GABBR1: variants seen among roughly 807,000 people sequenced by gnomAD.
GABBR1 encodes gamma-aminobutyric acid type B receptor subunit 1, also known as GABA-B receptor, R1 subunit.
Under a neutral mutation model 117.7 loss-of-function variants are expected in GABBR1, and 35 were observed. The ratio of observed to expected loss-of-function variants is 0.30; its 90% confidence interval spans 0.23 to 0.39. GABBR1 has a LOEUF of 0.39. Among genes scored for constraint, GABBR1 ranks in the 10% least tolerant of loss-of-function variants. The probability of loss-of-function intolerance (pLI) is 1.00; values close to 1 mark genes in which losing one functional copy is unlikely to be tolerated. For synonymous variants in GABBR1, 442 were observed against 486.6 expected, an observed-to-expected ratio of 0.91 and a Z score of 1.21; for missense variants, 709 against 1,241.8, an observed-to-expected ratio of 0.57 and a Z score of 6.45.
At position 29,627,400 on chromosome 6, in the gene GABBR1, A is replaced by T. The variant is rs2127443672; in HGVS notation, c.657+86T>A. On this transcript the variant is annotated intron_variant, in intron 6 of 22. Coordinates refer to ENST00000377034, the MANE Select transcript of GABBR1 (RefSeq NM_001470.4). This position sits in a 1 kb window ranked among gnomAD's most constrained non-coding sequence, Gnocchi z 4.4. ...GGTCTGCCTCGCAATCCCAGAGACG[A>T]CTCAGACAGATGGGGGCGCGTGCAG... is the stretch of plus-strand genomic sequence containing the variant. 5 of 1,363,444 alleles carry T rather than the reference A, an allele frequency of 3.7e-6. No homozygotes were observed. Among genetic ancestry groups the T allele is most frequent in the Non-Finnish European group, 5.0e-6 (5 of 994,104 alleles). The allele number at this position is 1,363,444 out of a possible 1,614,324, so 84.5% of individuals were successfully genotyped here.
chr6:29,621,942 A>G lies in GABBR1; in HGVS notation c.1066-125T>C. The G allele has an allele frequency of 1.8e-6, 2 of 1,086,592 alleles. No homozygotes were observed. The highest frequency in any genetic ancestry group is 2.8e-6 in the Non-Finnish European group (2 of 723,376). 67.3% of individuals were successfully genotyped at this position (1,086,592 alleles called of 1,614,324 possible). ...TAGTGCAGGGTAACGCTCAACGTAT[A>G]GTGAATAAACGTCAACTGGAAGATG... On this transcript the variant is annotated intron_variant, in intron 9 of 22. Coordinates refer to ENST00000377034, the MANE Select transcript of GABBR1 (RefSeq NM_001470.4). The surrounding 1 kb of genome is among the most constrained non-coding windows in gnomAD (Gnocchi z 5.0).
Position 29,631,449 on chromosome 6 carries a change from C to G in GABBR1, c.236G>C (p.Arg79Pro), listed in dbSNP as rs1436782004. Residue 79 changes from arginine (R) to proline (P), a missense_variant, in exon 3 of 23, where the codon CGC becomes CCC. Arg to Pro is a moderately radical substitution (Grantham distance 103). Transcript: ENST00000377034. This position sits in a 1 kb window ranked among gnomAD's most constrained non-coding sequence, Gnocchi z 5.9. Reference protein sequence around the residue: ...GEREVVGPKVRKCLANGSWTD... With the variant: ...GEREVVGPKVPKCLANGSWTD... The stretch of plus-strand genomic sequence containing the variant: ...CCAGGAGCCGTTGGCCAGGCACTTG[C>G]GGACCTTGGGCCCCACCACCTCGCG... 1 of 1,614,138 alleles carries G rather than the reference C, an allele frequency of 6.2e-7. No homozygotes were observed. The highest frequency in any genetic ancestry group is 1.7e-5 in the Admixed American group (1 of 60,028).
In GABBR1 at chr6:29,609,179, A is replaced by T. The variant is rs190501135; in HGVS notation, c.1859+50T>A. 4.2e-4 allele frequency: 666 copies of T among 1,568,124 alleles called. 2 individuals are homozygous for T. Among genetic ancestry groups the T allele is most frequent in the African/African-American group, 3.7e-3 (277 of 74,076 alleles). On this transcript the variant is annotated intron_variant, in intron 15 of 22. Transcript: ENST00000377034. The surrounding 1 kb of genome is among the most constrained non-coding windows in gnomAD (Gnocchi z 4.3). ...TATTCTCATCCTGTCCAGGAACATGATCAGTATCTCAGAGAGGCAGACAAG... is the reference window on the plus strand; with the variant it reads ...TATTCTCATCCTGTCCAGGAACATGTTCAGTATCTCAGAGAGGCAGACAAG...
At position 29,617,178 on chromosome 6, in the gene GABBR1, G is replaced by A. The variant is rs903066980; in HGVS notation, c.1324-3693C>T. 4.0e-5 allele frequency among the ~76,000 whole-genome samples: 6 copies of A among 151,836 alleles called. No individual in the cohort carries two copies. The East Asian group carries it at 9.6e-4, about 24-fold the overall frequency. ...GAACATGTATAAAAATGCTGGGTATGAAGTAAGTTACATTTTCTCTACGTG... is the reference window on the plus strand; with the variant it reads ...GAACATGTATAAAAATGCTGGGTATAAAGTAAGTTACATTTTCTCTACGTG... On this transcript the variant is annotated intron_variant, in intron 11 of 22. Transcript: ENST00000377034.
chr6:29,627,775 G>T lies in GABBR1; in HGVS notation c.497-129C>A. 2 of 1,466,338 alleles carry T rather than the reference G, an allele frequency of 1.4e-6. No individual in the cohort carries two copies. The highest frequency in any genetic ancestry group is 1.8e-6 in the Non-Finnish European group (2 of 1,115,674). 90.8% of individuals were successfully genotyped at this position (1,466,338 alleles called of 1,614,324 possible). A position where few individuals can be genotyped will look rare whatever the true frequency, so the allele number is the denominator to read the frequency against. On this transcript the variant is annotated intron_variant, in intron 5 of 22. Transcript: ENST00000377034. The surrounding 1 kb of genome is among the most constrained non-coding windows in gnomAD (Gnocchi z 4.4). ...CAGTGGCCACCCCACCCGGGCAAAA[G>T]GGGCCCCGGGCCCCATGGCGTGGGG...
At position 29,622,531 on chromosome 6, in the gene GABBR1, A is replaced by C; in HGVS notation, c.964-326T>G. The C allele has an allele frequency of 3.0e-6, 1 of 335,994 alleles. No homozygotes were observed. The highest frequency in any genetic ancestry group is 5.6e-6 in the Non-Finnish European group (1 of 180,068). 20.8% of individuals were successfully genotyped at this position (335,994 alleles called of 1,614,324 possible). ...GGAACCAGGAAAAGACAAGGCAAGG[A>C]CTGGGACAGACAGCATGATGTCAAC... On this transcript the variant is annotated intron_variant, in intron 8 of 22. Coordinates refer to ENST00000377034, the MANE Select transcript of GABBR1 (RefSeq NM_001470.4). This position sits in a 1 kb window ranked among gnomAD's most constrained non-coding sequence, Gnocchi z 4.6.
At position 29,623,870 on chromosome 6, in the gene GABBR1, A is replaced by G; in HGVS notation, c.792+20T>C. On this transcript the variant is annotated intron_variant, in intron 7 of 22. Transcript: ENST00000377034. This position sits in a 1 kb window ranked among gnomAD's most constrained non-coding sequence, Gnocchi z 6.2. ...CAAAAGGGAATGACCCCATCTTCTG[A>G]CCCCCATAGCCCTGCTTACCACAAT... 6.2e-7 allele frequency: 1 copy of G among 1,607,798 alleles called. No individual in the cohort carries two copies. Among genetic ancestry groups the G allele is most frequent in the Non-Finnish European group, 8.5e-7 (1 of 1,177,480 alleles).
At position 29,613,214 on chromosome 6, in the gene GABBR1, A is replaced by AG. The variant is rs775079987; in HGVS notation, c.1566+28dup. ...GAGTCTCTCTCAAGATTGGGAAGAC[A>AG]GGGGAGTATGAAGGAAGTTTTAACT... On this transcript the variant is annotated intron_variant, in intron 12 of 22. Transcript: ENST00000377034. This position sits in a 1 kb window ranked among gnomAD's most constrained non-coding sequence, Gnocchi z 4.1. The AG allele has an allele frequency of 6.2e-7, 1 of 1,607,436 alleles. No homozygotes were observed. Among genetic ancestry groups the AG allele is most frequent in the South Asian group, 1.1e-5 (1 of 90,880 alleles).
Position 29,630,588 on chromosome 6 carries a change from C to G in GABBR1, c.345G>C (p.Thr115=). 6.2e-7 allele frequency: 1 copy of G among 1,613,046 alleles called. No individual in the cohort carries two copies. Among genetic ancestry groups the G allele is most frequent in the Non-Finnish European group, 8.5e-7 (1 of 1,180,004 alleles). The change falls in exon 4 of 23, where the codon ACG becomes ACC. Residue 115 remains threonine, a synonymous_variant. Coordinates refer to ENST00000377034, the MANE Select transcript of GABBR1 (RefSeq NM_001470.4). The surrounding 1 kb of genome is among the most constrained non-coding windows in gnomAD (Gnocchi z 4.9). ...LTLENGKVFL[T]GGDLPALDGA... ...CGTCCAGAGCTGGGAGGTCCCCACCCGTCAGGAAAACCTTCCCATTTTCCA... is the reference window on the plus strand; with the variant it reads ...CGTCCAGAGCTGGGAGGTCCCCACCGGTCAGGAAAACCTTCCCATTTTCCA...
Position 29,604,589 on chromosome 6 carries a change from T to C in GABBR1, c.2617A>G (p.Thr873Ala), listed in dbSNP as rs1761758123. 3 of 1,613,162 alleles carry C rather than the reference T, an allele frequency of 1.9e-6. No homozygotes were observed. The highest frequency in any genetic ancestry group is 2.5e-6 in the Non-Finnish European group (3 of 1,180,038). The change falls in exon 22 of 23, where the codon ACC becomes GCC. Residue 873 changes from threonine (T) to alanine (A), a missense_variant. This residue lies in a region of GABBR1 where 251 missense variants were observed against 445.3 expected (regional missense o/e 0.56). Coordinates refer to ENST00000377034, the MANE Select transcript of GABBR1 (RefSeq NM_001470.4). This position sits in a 1 kb window ranked among gnomAD's most constrained non-coding sequence, Gnocchi z 5.3. ...RGEWQSEAQD[T>A]MKTGSSTNNN... ...TTGGTCGATGACCCTGTCTTCATGG[T>C]GTCCTGCGCCTCCGACTGCCATTCC...
Position 29,609,828 on chromosome 6 carries a change from A to T in GABBR1, c.1709-449T>A, listed in dbSNP as rs1762354989. 1.3e-5 allele frequency among the ~76,000 whole-genome samples: 2 copies of T among 152,104 alleles called. No individual in the cohort carries two copies. Among genetic ancestry groups the T allele is most frequent in the African/African-American group, 4.8e-5 (2 of 41,414 alleles). On this transcript the variant is annotated intron_variant, in intron 14 of 22. Coordinates refer to ENST00000377034, the MANE Select transcript of GABBR1 (RefSeq NM_001470.4). The surrounding 1 kb of genome is among the most constrained non-coding windows in gnomAD (Gnocchi z 4.3). ...CATAAAGCTAAAAAGGCCTTGAAGT[A>T]TCTAGTGTGGACACCTATTCTTAAG...
Position 29,603,373 on chromosome 6 carries a change from G to T in GABBR1, c.*170C>A. 2 of 721,574 alleles carry T rather than the reference G, an allele frequency of 2.8e-6. No homozygotes were observed. The highest frequency in any genetic ancestry group is 5.1e-6 in the Non-Finnish European group (2 of 394,280). The allele number at this position is 721,574 out of a possible 1,614,324, so 44.7% of individuals were successfully genotyped here. ...AAAAAGGTCTGTTTCCCAGAGGTAT[G>T]AGAGACCCAAATCAGCCCAGAACTC... On this transcript the variant is annotated 3_prime_UTR_variant, in exon 23 of 23. Coordinates refer to ENST00000377034, the MANE Select transcript of GABBR1 (RefSeq NM_001470.4).
chr6:29,632,459 C>T lies in GABBR1; in HGVS notation c.1-74G>A. 8.2e-7 allele frequency: 1 copy of T among 1,212,652 alleles called. No homozygotes were observed. Among genetic ancestry groups the T allele is most frequent in the Non-Finnish European group, 1.1e-6 (1 of 924,544 alleles). 75.1% of individuals were successfully genotyped at this position (1,212,652 alleles called of 1,614,324 possible). On this transcript the variant is annotated intron_variant, in intron 1 of 22. Coordinates refer to ENST00000377034, the MANE Select transcript of GABBR1 (RefSeq NM_001470.4). This position sits in a 1 kb window ranked among gnomAD's most constrained non-coding sequence, Gnocchi z 5.8. ...CCCGCACCCGGAGACTACTCGACCT[C>T]TTGCCGGTTGCCTCGCAGGCTCCGA...
rs1230710213 is a variant in GABBR1, at chr6:29,604,130, T to C, written c.2712+364A>G. Among the ~76,000 whole-genome samples the C allele has an allele frequency of 6.6e-6, 1 of 152,022 alleles. No individual in the cohort carries two copies. Among genetic ancestry groups the C allele is most frequent in the African/African-American group, 2.4e-5 (1 of 41,402 alleles). The stretch of plus-strand genomic sequence containing the variant: ...CCAGGTCCTTTATGCTGGGGCTGCA[T>C]GCTACACCCAGCTGCTGTGAGTGTT... On this transcript the variant is annotated intron_variant, in intron 22 of 22. Transcript: ENST00000377034. This position sits in a 1 kb window ranked among gnomAD's most constrained non-coding sequence, Gnocchi z 5.3.
chr6:29,621,898 T>C lies in GABBR1; in HGVS notation c.1066-81A>G. 1 of 1,429,776 alleles carries C rather than the reference T, an allele frequency of 7.0e-7. No individual in the cohort carries two copies. Among genetic ancestry groups the C allele is most frequent in the Non-Finnish European group, 9.8e-7 (1 of 1,017,470 alleles). The allele number at this position is 1,429,776 out of a possible 1,614,324, so 88.6% of individuals were successfully genotyped here. ...AAGCCAGATGTCTTCACAGCTTTGA[T>C]TTCCCATCCCAAAGTGCTTAGTGCA... On this transcript the variant is annotated intron_variant, in intron 9 of 22. Coordinates refer to ENST00000377034, the MANE Select transcript of GABBR1 (RefSeq NM_001470.4). This position sits in a 1 kb window ranked among gnomAD's most constrained non-coding sequence, Gnocchi z 5.0.
In GABBR1 at chr6:29,609,515, C is replaced by T. The variant is rs1762314333; in HGVS notation, c.1709-136G>A. On this transcript the variant is annotated intron_variant, in intron 14 of 22. Coordinates refer to ENST00000377034, the MANE Select transcript of GABBR1 (RefSeq NM_001470.4). The surrounding 1 kb of genome is among the most constrained non-coding windows in gnomAD (Gnocchi z 4.3). ...TCAGTCATTGGCTGGGGACATGAGG[C>T]CCTAACTGCACTGGACAGAGGTTAC... The T allele has an allele frequency of 2.7e-6, 2 of 731,032 alleles. No homozygotes were observed. Among genetic ancestry groups the T allele is most frequent in the Non-Finnish European group, 4.6e-6 (2 of 439,388 alleles). 45.3% of individuals were successfully genotyped at this position (731,032 alleles called of 1,614,324 possible).
Position 29,609,411 on chromosome 6 carries a change from G to A in GABBR1, c.1709-32C>T. The A allele has an allele frequency of 6.2e-7, 1 of 1,601,508 alleles. No homozygotes were observed. Among genetic ancestry groups the A allele is most frequent in the Non-Finnish European group, 8.5e-7 (1 of 1,170,264 alleles). ...GGCACAGGGGAGGAAGAGGGGAAGG[G>A]AAAAGAGAAGGGAAGGAGGACAAAG... is the stretch of plus-strand genomic sequence containing the variant. On this transcript the variant is annotated intron_variant, in intron 14 of 22. Transcript: ENST00000377034. This position sits in a 1 kb window ranked among gnomAD's most constrained non-coding sequence, Gnocchi z 4.3.
chr6:29,619,121 T>TAA (rs938083794), intron 11 of GABBR1, among the ~76,000 whole-genome samples: 1 of 152,232 alleles, frequency 6.6e-6, no homozygotes, highest in Non-Finnish European at 1.5e-5. Context: ...ACCTGTGAAC[T>TAA]AACTACCTTT....
rs778117475 is a variant in GABBR1 at position 29,623,789 on chromosome 6, C to G, written c.792+101G>C. ...GGACTCTGAATCTTAGTAGCAGGTC[C>G]TCCACACTCCTTTTCAATACAAACC... On this transcript the variant is annotated intron_variant, in intron 7 of 22. Transcript: ENST00000377034. This position sits in a 1 kb window ranked among gnomAD's most constrained non-coding sequence, Gnocchi z 6.2. 35 of 1,389,182 alleles carry G rather than the reference C, an allele frequency of 2.5e-5. No individual in the cohort carries two copies. Among genetic ancestry groups the G allele is most frequent in the Non-Finnish European group, 3.4e-5 (34 of 1,014,862 alleles). 86.1% of individuals were successfully genotyped at this position (1,389,182 alleles called of 1,614,324 possible).
Sources: gnomAD v4.1 joint callset for allele counts (sites outside exome capture counted in the v4.1 genomes callset) on GRCh38, gnomAD v4.1.1 for gene constraint, gnomAD v4.1.1 regional missense constraint, Gnocchi (gnomAD v3.1) non-coding constraint, MANE v1.5 for transcripts, NCBI Gene and HGNC (gene_info 2026-07-23, HGNC 2026-07-21) for gene names.